The following SMG6 variants were observed in gnomAD, a reference collection of about 807,000 sequenced individuals.
The protein encoded by SMG6 is telomerase-binding protein EST1A.
SMG6 carries 66 observed loss-of-function variants against 142.2 expected under a neutral mutation model. That is an observed-to-expected ratio of 0.46 (90% CI 0.38 to 0.57). The LOEUF (loss-of-function observed/expected upper bound fraction) is 0.57, where lower values mean the gene tolerates loss of function less well. Ranked by LOEUF, SMG6 falls within the 20% of genes least tolerant of loss-of-function variation. The pLI is 0.00. For missense variants in SMG6, 1,793 were observed against 1,832.0 expected (o/e 0.98, Z 0.39); for synonymous variants, 779 against 702.4 (o/e 1.11, Z -1.72).
intron 10 of SMG6, among the ~76,000 whole-genome samples, chr17:2,220,788 C>T (rs1009951454): frequency 6.6e-6 from 1 of 152,006 alleles, no homozygotes; most frequent in African/African-American, 2.4e-5. Flanking sequence ...TAGAATCAAA[C>T]ATTGTATAGT....
At chr17:2,097,115 A>G (rs1484834207) in intron 13 of SMG6, among the ~76,000 whole-genome samples, 2 of 151,688 alleles carry the variant, frequency 1.3e-5, no homozygotes, top group Non-Finnish European at 2.9e-5. Context: ...TTTAAAATCA[A>G]TCATTACTTA....
intron 8 of SMG6, among the ~76,000 whole-genome samples, chr17:2,264,807 G>A (rs1380602080): frequency 1.3e-5 from 2 of 151,700 alleles, no homozygotes; most frequent in Non-Finnish European, 2.9e-5. Context: ...GAGGCTGGGA[G>A]GGGAGGATTG....
chr17:2,098,013 GGGTCTTGCTCT>G (rs746408697), intron 13 of SMG6, among the ~76,000 whole-genome samples: 1 of 152,074 alleles, frequency 6.6e-6, no homozygotes, highest in Non-Finnish European at 1.5e-5. Flanking sequence ...GCGGGGGACA[GGGTCTTGCTCT>G]GTCCCTCAGG....
At chr17:2,213,879 TC>T (rs918721895) in intron 10 of SMG6, 7 of 152,160 alleles carry the variant, frequency 4.6e-5, no homozygotes, top group Admixed American at 1.3e-4. Flanking sequence ...TTTATTAATC[TC>T]CAAACTGGCT....
At position 2,300,519 on chromosome 17, in the gene SMG6, A is replaced by C. The variant is rs1171523816; in HGVS notation, c.234T>G (p.Ile78Met). 6.2e-7 allele frequency: 1 copy of C among 1,614,026 alleles called. No individual in the cohort carries two copies. The highest frequency in any genetic ancestry group is 1.7e-5 in the Admixed American group (1 of 60,012). Reference protein sequence around the residue: ...PPGSEEFKDEIVNDRDCSAVE... With the variant: ...PPGSEEFKDEMVNDRDCSAVE... ...CAGCAGAGCAATCTCGGTCATTAAC[A>C]ATTTCATCTTTGAATTCCTCACTCC... Residue 78 changes from isoleucine (I) to methionine (M), a missense_variant, in exon 2 of 19, where the codon ATT becomes ATG. Ile to Met is a conservative substitution (Grantham distance 10, BLOSUM62 1). Transcript: ENST00000263073.
intron 13 of SMG6, among the ~76,000 whole-genome samples, chr17:2,103,897 C>T (rs546969957): frequency 6.6e-6 from 1 of 152,098 alleles, no homozygotes; most frequent in East Asian, 1.9e-4. Flanking sequence ...AGCAACACCT[C>T]TGTGATGGCA....
chr17:2,244,224 G>A (rs952453834), intron 9 of SMG6, among the ~76,000 whole-genome samples: 1 of 152,180 alleles, frequency 6.6e-6, no homozygotes, highest in Non-Finnish European at 1.5e-5. Flanking sequence ...TGGGTCAAAA[G>A]GATATAGAAA....
intron 8 of SMG6, among the ~76,000 whole-genome samples, chr17:2,259,072 T>C (rs538694544): frequency 9.3e-5 from 14 of 150,840 alleles, no homozygotes; most frequent in African/African-American, 3.4e-4. Flanking sequence ...AGCGAGACTC[T>C]ATCTCAAAAA....
intron 8 of SMG6, among the ~76,000 whole-genome samples, chr17:2,266,980 A>G (rs148732735): frequency 2.2e-4 from 33 of 152,286 alleles, no homozygotes; most frequent in African/African-American, 7.9e-4. Context: ...TGGCCTAAGA[A>G]AAAGAAAACC....
chr17:2,279,106 C>T (rs971298670), intron 8 of SMG6, among the ~76,000 whole-genome samples: 1 of 152,072 alleles, frequency 6.6e-6, no homozygotes, highest in Non-Finnish European at 1.5e-5. Flanking sequence ...ATTACAAAGG[C>T]GAAATGGCCA....
At chr17:2,067,604 C>T (rs2131704) in intron 16 of SMG6, among the ~76,000 whole-genome samples, 92,019 of 151,938 alleles carry the variant, frequency 0.61, 28,383 homozygotes, top group African/African-American at 0.67. Flanking sequence ...TGTTGAAGAG[C>T]AGAAAGCCTT....
chr17:2,202,424 T>C (rs952990175), intron 10 of SMG6, among the ~76,000 whole-genome samples: 1 of 152,080 alleles, frequency 6.6e-6, no homozygotes, highest in East Asian at 1.9e-4. Flanking sequence ...TGGTGGCAGG[T>C]GCCTATAGTC....
At chr17:2,215,764 C>CT (rs1344818743) in intron 10 of SMG6, 5 of 144,916 alleles carry the variant, frequency 3.5e-5, no homozygotes, top group Non-Finnish European at 7.5e-5. Context: ...CCACATCCTG[C>CT]TTTCAGCTGC....
At chr17:2,152,477 A>G (rs2070856719) in intron 13 of SMG6, among the ~76,000 whole-genome samples, 1 of 152,224 alleles carries the variant, frequency 6.6e-6, no homozygotes, top group Admixed American at 6.5e-5. Context: ...TTTGCATCCT[A>G]AATATATAAA....
chr17:2,210,768 ATAAAAT>A (rs967546614), intron 10 of SMG6, among the ~76,000 whole-genome samples: 18 of 146,404 alleles, frequency 1.2e-4, no homozygotes, highest in African/African-American at 2.4e-4. Flanking sequence ...TTAAAAAAAA[ATAAAAT>A]AAAAAAAAAA....
At chr17:2,073,438 C>A (rs1009469322) in intron 15 of SMG6, among the ~76,000 whole-genome samples, 1 of 151,856 alleles carries the variant, frequency 6.6e-6, no homozygotes, top group Non-Finnish European at 1.5e-5. Context: ...AGACCAGGCA[C>A]GGTGGCTCAC....
intron 13 of SMG6, among the ~76,000 whole-genome samples, chr17:2,171,602 G>A (rs1025776131): frequency 2.6e-5 from 4 of 151,958 alleles, no homozygotes; most frequent in Non-Finnish European, 2.9e-5. Context: ...TCAAACTCCT[G>A]GGCTCAAGCG....
intron 9 of SMG6, chr17:2,240,031 T>C (rs887468292): frequency 1.3e-5 from 2 of 152,196 alleles, no homozygotes; most frequent in African/African-American, 4.8e-5. Context: ...AGTGCAGGTG[T>C]GATCTGCCTC....
chr17:2,066,845 A>G (rs2067966962), intron 16 of SMG6, among the ~76,000 whole-genome samples: 1 of 152,236 alleles, frequency 6.6e-6, no homozygotes, highest in Non-Finnish European at 1.5e-5. Flanking sequence ...TCCTGCTTCC[A>G]AACTAAACAG....
Sources: gnomAD v4.1 joint callset for allele counts (sites outside exome capture counted in the v4.1 genomes callset) on GRCh38, gnomAD v4.1.1 for gene constraint, MANE v1.5 for transcripts, NCBI Gene and HGNC (gene_info 2026-07-23, HGNC 2026-07-21) for gene names.